Variants in SLC36A2 observed in about 807,000 individuals in gnomAD.
The protein encoded by SLC36A2 is solute carrier family 36 member 2, also known as proton-coupled amino acid transporter 2.
Under a neutral mutation model 42.7 loss-of-function variants are expected in SLC36A2, and 39 were observed. The observed-to-expected ratio is 0.91, with a 90% confidence interval of 0.71 to 1.19. SLC36A2 has a LOEUF of 1.19. Among genes scored for constraint, SLC36A2 ranks in the 50% most tolerant of loss-of-function variants. The pLI, the probability that SLC36A2 is intolerant of heterozygous loss-of-function variation, is 0.00. For missense variants in SLC36A2, 590 were observed against 613.7 expected (o/e 0.96, Z 0.41); for synonymous variants, 237 against 240.8 (o/e 0.98, Z 0.15).
rs1025810463 is a variant in SLC36A2, at chr5:151,333,180, A to C, written c.843+44T>G. The C allele has an allele frequency of 2.6e-6, 4 of 1,520,808 alleles. No homozygotes were observed. In the East Asian group the frequency reaches 9.0e-5, roughly 34 times the overall value. The allele number at this position is 1,520,808 out of a possible 1,614,324, so 94.2% of individuals were successfully genotyped here. On this transcript the variant is annotated intron_variant, in intron 7 of 9. Transcript: ENST00000335244. ...GCTCACAGTTCCTTTCTAGAAGGTC[A>C]CTCACAAGCACTAGGGATAAGGCCA...
At chr5:151,332,660 G>C (rs1378899963) in intron 7 of SLC36A2, 2 of 250,736 alleles carry the variant, frequency 8.0e-6, no homozygotes, top group African/African-American at 2.3e-5. Flanking sequence ...TTTTGGAAAA[G>C]AGAAGACAGT....
At chr5:151,340,164 A>AG (rs374858443) in intron 4 of SLC36A2, among the ~76,000 whole-genome samples, 4 of 65,190 alleles carry the variant, frequency 6.1e-5, no homozygotes, top group African/African-American at 1.9e-4. Context: ...AGGAGGAAGA[A>AG]GAGGAAGGAG....
chr5:151,334,203 A>G (rs1431090154), intron 6 of SLC36A2, among the ~76,000 whole-genome samples: 1 of 152,238 alleles, frequency 6.6e-6, no homozygotes, highest in African/African-American at 2.4e-5. Context: ...TATAGAATTC[A>G]TCAGTGTCTT....
At chr5:151,338,548 C>T (rs1202607432) in intron 5 of SLC36A2, 4 of 156,734 alleles carry the variant, frequency 2.6e-5, no homozygotes, top group South Asian at 1.9e-4. Flanking sequence ...TGGTAGCACA[C>T]ACTTGTGGTC....
At chr5:151,326,394 C>A (rs916853481) in intron 7 of SLC36A2, among the ~76,000 whole-genome samples, 8 of 152,122 alleles carry the variant, frequency 5.3e-5, no homozygotes, top group African/African-American at 1.9e-4. Flanking sequence ...GTGCAGACTC[C>A]CTCCGCCAAC....
In SLC36A2 at chr5:151,317,095, G is replaced by A. The variant is rs759864888; in HGVS notation, c.1181-7C>T. On this transcript the variant is annotated splice_polypyrimidine_tract_variant and splice_region_variant and intron_variant, in intron 9 of 9. Transcript: ENST00000335244. The stretch of plus-strand genomic sequence containing the variant: ...ATGAGGATGGCCAGGAGGCCTGCAG[G>A]GAGAGGATAGTGGAGAGATGGAGCA... The A allele has an allele frequency of 9.9e-6, 16 of 1,613,806 alleles. No individual in the cohort carries two copies. The South Asian group carries it at 1.1e-4, about 11-fold the overall frequency.
Position 151,325,433 on chromosome 5 carries a change from T to G in SLC36A2, c.863A>C (p.Lys288Thr). 6.2e-7 allele frequency: 1 copy of G among 1,614,154 alleles called. No homozygotes were observed. The highest frequency in any genetic ancestry group is 8.5e-7 in the Non-Finnish European group (1 of 1,180,032). ...TGGGAAGTGGCGGGCATTCTTCATCTTGTTTTCCAGAGGCAGAACCTACAG... is the reference window on the plus strand; with the variant it reads ...TGGGAAGTGGCGGGCATTCTTCATCGTGTTTTCCAGAGGCAGAACCTACAG... Reference protein sequence around the residue: ...SIGVVLPLENKMKNARHFPAI... With the variant: ...SIGVVLPLENTMKNARHFPAI... The change falls in exon 8 of 10, where the codon AAG becomes ACG. Residue 288 changes from lysine (K) to threonine (T), a missense_variant. Coordinates refer to ENST00000335244, the MANE Select transcript of SLC36A2 (RefSeq NM_181776.3).
At chr5:151,324,812 AT>A (rs1056083511) in intron 8 of SLC36A2, among the ~76,000 whole-genome samples, 1 of 151,966 alleles carries the variant, frequency 6.6e-6, no homozygotes, top group South Asian at 2.1e-4. Context: ...AGCTATGGAA[AT>A]TTTTTTTGTA....
Position 151,343,792 on chromosome 5 carries a change from A to T in SLC36A2, c.256-194T>A, listed in dbSNP as rs79245849. Among the ~76,000 whole-genome samples, 995 of 152,308 alleles carry T rather than the reference A, an allele frequency of 6.5e-3. 5 individuals are homozygous for T. The highest frequency in any genetic ancestry group is 1.0e-2 in the Non-Finnish European group (680 of 68,010). On this transcript the variant is annotated intron_variant, in intron 2 of 9. Coordinates refer to ENST00000335244, the MANE Select transcript of SLC36A2 (RefSeq NM_181776.3). ...ACCTCAAGTAATATTCCAATAAAGC[A>T]CATAAAGCAATTACAATGGGGTATA...
At chr5:151,320,834 A>G (rs1392411822) in intron 9 of SLC36A2, among the ~76,000 whole-genome samples, 2 of 152,236 alleles carry the variant, frequency 1.3e-5, no homozygotes, top group East Asian at 3.8e-4. Flanking sequence ...CCCACTTTAT[A>G]CAACATTGTG....
chr5:151,340,145 AGG>A (rs33940947), intron 4 of SLC36A2, among the ~76,000 whole-genome samples: 25,432 of 136,710 alleles, frequency 0.19, 6,386 homozygotes, highest in African/African-American at 0.59. Context: ...GAAGAAGAGG[AGG>A]AGAAGGAGGA....
chr5:151,317,375 C>G (rs147924765), intron 9 of SLC36A2, among the ~76,000 whole-genome samples: 3,066 of 151,630 alleles, frequency 0.02, 77 homozygotes, highest in African/African-American at 0.069. Context: ...TCACTTGAAC[C>G]TGGGAGGTGG....
chr5:151,337,332 C>T lies in SLC36A2; in HGVS notation c.525+1728G>A, dbSNP rs184054086. 2.0e-3 allele frequency among the ~76,000 whole-genome samples: 310 copies of T among 152,280 alleles called. 2 individuals carry two copies. Among genetic ancestry groups the T allele is most frequent in the African/African-American group, 6.8e-3 (283 of 41,566 alleles). ...TACCCAGCTCAGATGCACCACCCCC[C>T]GGAGGAGGCTTTCCCTGCTCCAGTG... On this transcript the variant is annotated intron_variant, in intron 5 of 9. Transcript: ENST00000335244.
At chr5:151,337,408 C>T (rs1223808573) in intron 5 of SLC36A2, among the ~76,000 whole-genome samples, 1 of 152,194 alleles carries the variant, frequency 6.6e-6, no homozygotes, top group African/African-American at 2.4e-5. Flanking sequence ...TTGTTAGTGG[C>T]ATCCTGGCCT....
At chr5:151,334,701 ATAAG>A (rs1282648497) in intron 6 of SLC36A2, among the ~76,000 whole-genome samples, 18 of 152,214 alleles carry the variant, frequency 1.2e-4, no homozygotes, top group Admixed American at 1.2e-3. Context: ...AAATAAATTA[ATAAG>A]TAAGTAAATA....
intron 9 of SLC36A2, among the ~76,000 whole-genome samples, chr5:151,318,595 A>C (rs1002179080): frequency 6.8e-6 from 1 of 146,356 alleles, no homozygotes; most frequent in African/African-American, 2.5e-5. Flanking sequence ...TATATATAAA[A>C]ATATAATAAA....
At chr5:151,328,430 G>A (rs761298941) in intron 7 of SLC36A2, among the ~76,000 whole-genome samples, 1 of 152,176 alleles carries the variant, frequency 6.6e-6, no homozygotes, top group Non-Finnish European at 1.5e-5. Flanking sequence ...GAACTATGCG[G>A]TGCATACAGA....
chr5:151,320,467 G>T lies in SLC36A2; in HGVS notation c.1180+1579C>A, dbSNP rs138022016. On this transcript the variant is annotated intron_variant, in intron 9 of 9. Coordinates refer to ENST00000335244, the MANE Select transcript of SLC36A2 (RefSeq NM_181776.3). ...AAAGAAAATGTGGTTTCTACGTACA[G>T]TGGAATACAATTTGGCCTTAAAAAG... is the stretch of plus-strand genomic sequence containing the variant. Among the ~76,000 whole-genome samples, 148 of 152,156 alleles carry T rather than the reference G, an allele frequency of 9.7e-4. 1 individual carries two copies. The East Asian group carries it at 0.022, about 23-fold the overall frequency.
At chr5:151,333,468 A>G in intron 6 of SLC36A2, 146 bp from the exon 7 acceptor site, 1 of 696,158 alleles carries the variant, frequency 1.4e-6, no homozygotes. Flanking sequence ...GTAGGCCACG[A>G]TCAAAGTTGA....
Sources: allele counts gnomAD v4.1 joint callset (sites outside exome capture counted in the v4.1 genomes callset), GRCh38; gene constraint gnomAD v4.1.1; transcripts MANE v1.5; gene names NCBI Gene and HGNC (gene_info 2026-07-23, HGNC 2026-07-21).